HINT3: variants seen among roughly 807,000 people sequenced by gnomAD.
HINT3 encodes histidine triad nucleotide binding protein 3, also known as adenosine 5'-monophosphoramidase HINT3.
Under a neutral mutation model 19.1 loss-of-function variants are expected in HINT3, and 16 were observed. The observed-to-expected ratio is 0.84, with a 90% CI of 0.57 to 1.27. The LOEUF is 1.27. Ranked by LOEUF, HINT3 falls within the 50% of genes most tolerant of loss-of-function variation. The pLI is 0.00. For synonymous variants in HINT3, 75 were observed against 84.8 expected, an observed-to-expected ratio of 0.88 and a Z score of 0.63; for missense variants, 197 against 225.8, an observed-to-expected ratio of 0.87 and a Z score of 0.82.
chr6:125,957,754 T>C (rs1788861419), intron 1 of HINT3, among the ~76,000 whole-genome samples: 1 of 152,154 alleles, frequency 6.6e-6, no homozygotes. Flanking sequence ...TGCGTGGACA[T>C]TTTCAGAGCA....
chr6:125,962,259 T>C lies in HINT3; in HGVS notation c.202-4628T>C, dbSNP rs1180631855. ...ACACATATATATATATACACACATA[T>C]ATATATATATACATACATATATATA... On this transcript the variant is annotated intron_variant, in intron 1 of 4. Transcript: ENST00000229633. Among the ~76,000 whole-genome samples the C allele has an allele frequency of 7.4e-5, 2 of 27,112 alleles. 1 individual carries two copies. Among genetic ancestry groups the C allele is most frequent in the African/African-American group, 4.5e-4 (2 of 4,440 alleles). The allele number at this position is 27,112 out of a possible 152,430, so 17.8% of individuals were successfully genotyped here. A position where few individuals can be genotyped will look rare whatever the true frequency, so the allele number is the denominator to read the frequency against.
chr6:125,962,305 TATCAC>T (rs1327248819), intron 1 of HINT3, among the ~76,000 whole-genome samples: 1 of 32,478 alleles, frequency 3.1e-5, no homozygotes, highest in Non-Finnish European at 4.7e-5. Flanking sequence ...TATATATATA[TATCAC>T]ACATATATAT....
intron 2 of HINT3, among the ~76,000 whole-genome samples, chr6:125,969,653 A>G (rs1446294567): frequency 6.6e-6 from 1 of 152,028 alleles, no homozygotes; most frequent in East Asian, 1.9e-4. Context: ...TGTATCATCT[A>G]TGATTTCTTT....
chr6:125,967,326 CTTT>C (rs537273461), intron 2 of HINT3, among the ~76,000 whole-genome samples: 1,852 of 95,180 alleles, frequency 0.019, 25 homozygotes, highest in African/African-American at 0.07. Context: ...ATTTTTATGA[CTTT>C]TTTTTTTTTT....
Position 125,979,439 on chromosome 6 carries a change from T to G in HINT3, c.*1763T>G, listed in dbSNP as rs769743932. On this transcript the variant is annotated 3_prime_UTR_variant, in exon 5 of 5. Transcript: ENST00000229633. Reference sequence around the variant, plus strand: ...CTGTGGGAACTTGCAGTGATATAATTGACAACATTATTTAACAATAATAGG... The same window carrying G: ...CTGTGGGAACTTGCAGTGATATAATGGACAACATTATTTAACAATAATAGG... 4 of 152,186 alleles carry G rather than the reference T, an allele frequency of 2.6e-5. No homozygotes were observed. The highest frequency in any genetic ancestry group is 4.4e-5 in the Non-Finnish European group (3 of 68,016). The allele number at this position is 152,186 out of a possible 1,614,324, so 9.4% of individuals were successfully genotyped here. A position where few individuals can be genotyped will look rare whatever the true frequency, so the allele number is the denominator to read the frequency against.
chr6:125,978,898 C>T lies in HINT3; in HGVS notation c.*1222C>T, dbSNP rs888917081. 2 of 152,032 alleles carry T rather than the reference C, an allele frequency of 1.3e-5. No homozygotes were observed. Among genetic ancestry groups the T allele is most frequent in the African/African-American group, 4.8e-5 (2 of 41,376 alleles). 9.4% of individuals were successfully genotyped at this position (152,032 alleles called of 1,614,324 possible). A position where few individuals can be genotyped will look rare whatever the true frequency, so the allele number is the denominator to read the frequency against. On this transcript the variant is annotated 3_prime_UTR_variant, in exon 5 of 5. Coordinates refer to ENST00000229633, the MANE Select transcript of HINT3 (RefSeq NM_138571.5). ...ACATTTGTTGAACATTTAATGTGTA[C>T]CAGATATTGCCAGGATCAGGAAATA...
intron 1 of HINT3, among the ~76,000 whole-genome samples, chr6:125,960,848 A>G (rs1257447411): frequency 6.6e-6 from 1 of 152,196 alleles, no homozygotes; most frequent in Non-Finnish European, 1.5e-5. Context: ...CTGCCTCTTC[A>G]GTCTCCCTTT....
At chr6:125,971,617 C>T (rs568043349) in intron 2 of HINT3, among the ~76,000 whole-genome samples, 1 of 152,018 alleles carries the variant, frequency 6.6e-6, no homozygotes, top group South Asian at 2.1e-4. Context: ...TCACTGCAGC[C>T]TCGACCTCCT....
At chr6:125,966,861 T>C in intron 1 of HINT3, 26 bp from the exon 2 acceptor site, 3 of 1,455,040 alleles carry the variant, frequency 2.1e-6, no homozygotes, top group Non-Finnish European at 1.9e-6. Context: ...TTTTAAAAAT[T>C]CACTAACAAA....
chr6:125,972,110 G>A, intron 2 of HINT3, 149 bp from the exon 3 acceptor site: 2 of 565,088 alleles, frequency 3.5e-6, no homozygotes, highest in East Asian at 3.3e-5. Context: ...TCCTCCCAAA[G>A]TGTTGGGATT....
At chr6:125,959,670 G>A (rs528728089) in intron 1 of HINT3, among the ~76,000 whole-genome samples, 9 of 152,192 alleles carry the variant, frequency 5.9e-5, no homozygotes, top group Non-Finnish European at 1.3e-4. Context: ...AGGGGAGGAG[G>A]GAAAGGTAGT....
At chr6:125,966,053 A>G (rs1230186813) in intron 1 of HINT3, among the ~76,000 whole-genome samples, 3 of 152,214 alleles carry the variant, frequency 2.0e-5, no homozygotes, top group African/African-American at 4.8e-5. Flanking sequence ...CTCTGCTTAC[A>G]CTGATTTTAA....
intron 1 of HINT3, among the ~76,000 whole-genome samples, chr6:125,960,614 G>A (rs1203548626): frequency 1.4e-5 from 2 of 145,012 alleles, no homozygotes; most frequent in African/African-American, 2.5e-5. Flanking sequence ...CCAAGATCGC[G>A]CCGCTGCACT....
chr6:125,963,958 G>A (rs933440563), intron 1 of HINT3, among the ~76,000 whole-genome samples: 1 of 152,204 alleles, frequency 6.6e-6, no homozygotes, highest in African/African-American at 2.4e-5. Context: ...TTAAGGGGTA[G>A]AGAAGGGTGT....
intron 1 of HINT3, among the ~76,000 whole-genome samples, chr6:125,960,656 G>GGGGGGA (rs1554209595): frequency 1.4e-5 from 1 of 69,348 alleles, no homozygotes; most frequent in Non-Finnish European, 3.7e-5. Flanking sequence ...GACTCTCTCT[G>GGGGGGA]GGGGGGGGGA....
At chr6:125,959,044 A>G (rs961816083) in intron 1 of HINT3, among the ~76,000 whole-genome samples, 2 of 152,034 alleles carry the variant, frequency 1.3e-5, no homozygotes, top group African/African-American at 4.8e-5. Context: ...TGGCCAGGGG[A>G]GTGGTGGGAG....
chr6:125,962,974 TTGAG>T (rs1788964129), intron 1 of HINT3, among the ~76,000 whole-genome samples: 1 of 152,112 alleles, frequency 6.6e-6, no homozygotes. Flanking sequence ...GAAAAAGTAA[TTGAG>T]TAACACTGGA....
intron 1 of HINT3, among the ~76,000 whole-genome samples, chr6:125,962,289 CATATATATATATATATATCACACATATAT>C (rs371185658): frequency 0.41 from 27,987 of 68,712 alleles, 8,016 homozygotes; most frequent in East Asian, 0.85. Flanking sequence ...TATATATACA[CATATATATATATATATATCACACATATAT>C]ATATATATAT....
chr6:125,973,425 G>C (rs1234062943), intron 3 of HINT3, among the ~76,000 whole-genome samples: 1 of 152,040 alleles, frequency 6.6e-6, no homozygotes, highest in African/African-American at 2.4e-5. Context: ...CTTTTTAAAA[G>C]GTTTCCAATT....
Sources: gnomAD v4.1 joint callset for allele counts (sites outside exome capture counted in the v4.1 genomes callset) on GRCh38, gnomAD v4.1.1 for gene constraint, MANE v1.5 for transcripts, NCBI Gene and HGNC (gene_info 2026-07-23, HGNC 2026-07-21) for gene names.